Variants in COMMD1 observed in about 807,000 individuals in gnomAD.
COMMD1 encodes the protein COMM domain-containing protein 1.
A neutral mutation model predicts 17.2 loss-of-function variants in COMMD1; 10 were observed. That is an observed-to-expected ratio of 0.58 (90% CI 0.36 to 0.99). The LOEUF (loss-of-function observed/expected upper bound fraction) is 0.99, where lower values mean the gene tolerates loss of function less well. Among genes scored for constraint, COMMD1 ranks in the 50% least tolerant of loss-of-function variants. The probability of loss-of-function intolerance (pLI) is 0.01; values close to 1 mark genes in which losing one functional copy is unlikely to be tolerated. For synonymous variants in COMMD1, 97 were observed against 91.6 expected (o/e 1.06, Z -0.34); for missense variants, 270 against 231.8 (o/e 1.17, Z -1.07).
At chr2:61,894,568 C>T (rs1572938046) in intron 1 of COMMD1, among the ~76,000 whole-genome samples, 1 of 151,348 alleles carries the variant, frequency 6.6e-6, no homozygotes, top group African/African-American at 2.4e-5. Context: ...GGACTAGAAA[C>T]GTTTCAAGGA....
In COMMD1 at chr2:61,967,531, T is replaced by G. The variant is rs1671537093; in HGVS notation, c.181-33170T>G. Among the ~76,000 whole-genome samples, 3 of 152,206 alleles carry G rather than the reference T, an allele frequency of 2.0e-5. No homozygotes were observed. The South Asian group carries it at 6.2e-4, about 31-fold the overall frequency. On this transcript the variant is annotated intron_variant, in intron 1 of 2. Transcript: ENST00000311832. The stretch of plus-strand genomic sequence containing the variant: ...GTTTACATAACCAGATTGAAAGCTC[T>G]TCAAAAGCAGGTCCATATGCTGTTC...
At chr2:62,107,198 C>G (rs1334303726) in intron 2 of COMMD1, among the ~76,000 whole-genome samples, 1 of 152,120 alleles carries the variant, frequency 6.6e-6, no homozygotes, top group Admixed American at 6.6e-5. Context: ...CTGTATATTG[C>G]TTTTTCAACT....
chr2:61,948,464 G>T (rs929608841), intron 1 of COMMD1, among the ~76,000 whole-genome samples: 3 of 152,008 alleles, frequency 2.0e-5, no homozygotes, highest in East Asian at 1.9e-4. Flanking sequence ...TATTAATTGG[G>T]TAATACCATC....
chr2:61,945,508 G>A (rs949718020), intron 1 of COMMD1, among the ~76,000 whole-genome samples: 4 of 152,188 alleles, frequency 2.6e-5, no homozygotes, highest in African/African-American at 7.2e-5. Flanking sequence ...AAGGTCAGGG[G>A]CACTTGCACT....
chr2:62,112,759 G>A (rs528006897), intron 2 of COMMD1, among the ~76,000 whole-genome samples: 1 of 152,250 alleles, frequency 6.6e-6, no homozygotes, highest in African/African-American at 2.4e-5. Flanking sequence ...AATAGTAGTG[G>A]GGACATATCT....
At chr2:62,123,786 T>A (rs1378342570) in intron 2 of COMMD1, among the ~76,000 whole-genome samples, 1 of 152,070 alleles carries the variant, frequency 6.6e-6, no homozygotes, top group East Asian at 1.9e-4. Context: ...GCAGACTACA[T>A]GGTTCATTCT....
At chr2:61,984,924 G>A (rs1320023178) in intron 1 of COMMD1, among the ~76,000 whole-genome samples, 2 of 149,196 alleles carry the variant, frequency 1.3e-5, no homozygotes, top group African/African-American at 2.5e-5. Context: ...GGTCTCTTTT[G>A]TAGTTTTTAT....
chr2:62,036,276 T>G (rs1257832505), intron 2 of COMMD1, among the ~76,000 whole-genome samples: 1 of 152,220 alleles, frequency 6.6e-6, no homozygotes, highest in African/African-American at 2.4e-5. Flanking sequence ...TAAATAGTGT[T>G]TTATGGACAT....
chr2:61,945,006 A>C (rs1670870339), intron 1 of COMMD1, among the ~76,000 whole-genome samples: 1 of 152,198 alleles, frequency 6.6e-6, no homozygotes, highest in Admixed American at 6.5e-5. Context: ...CCATAATTGG[A>C]ATTCTCATTC....
intron 2 of COMMD1, among the ~76,000 whole-genome samples, chr2:62,089,188 T>C (rs1216888321): frequency 6.6e-6 from 1 of 152,114 alleles, no homozygotes; most frequent in Non-Finnish European, 1.5e-5. Context: ...AAGAAAAAGA[T>C]CTAGCTATGT....
At chr2:62,090,501 C>A (rs1414594407) in intron 2 of COMMD1, among the ~76,000 whole-genome samples, 1 of 152,206 alleles carries the variant, frequency 6.6e-6, no homozygotes, top group Non-Finnish European at 1.5e-5. Flanking sequence ...AAATCAAATG[C>A]AAGGAACGCC....
chr2:62,124,891 G>T (rs1385679417), intron 2 of COMMD1, among the ~76,000 whole-genome samples: 1 of 152,146 alleles, frequency 6.6e-6, no homozygotes, highest in Non-Finnish European at 1.5e-5. Context: ...ACTTACATCA[G>T]TGGTAGATCT....
chr2:61,969,488 G>C (rs1274814440), intron 1 of COMMD1, among the ~76,000 whole-genome samples: 1 of 151,598 alleles, frequency 6.6e-6, no homozygotes, highest in East Asian at 1.9e-4. Flanking sequence ...CTCCACTAAA[G>C]AACACATCTA....
intron 1 of COMMD1, among the ~76,000 whole-genome samples, chr2:61,948,259 C>T (rs1230558914): frequency 6.6e-6 from 1 of 152,168 alleles, no homozygotes; most frequent in Non-Finnish European, 1.5e-5. Context: ...CAAGTGTGCA[C>T]CATAACCTAG....
intron 1 of COMMD1, among the ~76,000 whole-genome samples, chr2:61,890,410 G>T (rs1171906400): frequency 6.6e-6 from 1 of 152,054 alleles, no homozygotes; most frequent in Admixed American, 6.5e-5. Flanking sequence ...GTAGAGACGG[G>T]GTTTCTCCAT....
At chr2:62,038,162 C>T (rs998434749) in intron 2 of COMMD1, among the ~76,000 whole-genome samples, 8 of 152,112 alleles carry the variant, frequency 5.3e-5, no homozygotes, top group Admixed American at 1.3e-4. Context: ...GTGGCATGCA[C>T]CTGTAATCCC....
At chr2:62,099,693 T>C (rs1311369808) in intron 2 of COMMD1, among the ~76,000 whole-genome samples, 1 of 152,132 alleles carries the variant, frequency 6.6e-6, no homozygotes, top group African/African-American at 2.4e-5. Flanking sequence ...TCTACCCTCT[T>C]ACGTGTCTCA....
At chr2:61,940,939 C>T (rs1483049577) in intron 1 of COMMD1, among the ~76,000 whole-genome samples, 2 of 152,012 alleles carry the variant, frequency 1.3e-5, no homozygotes, top group Non-Finnish European at 2.9e-5. Flanking sequence ...CCGCCCGCCT[C>T]GGCCTCCCAA....
At chr2:62,082,506 A>G (rs1247528407) in intron 2 of COMMD1, among the ~76,000 whole-genome samples, 3 of 152,106 alleles carry the variant, frequency 2.0e-5, no homozygotes, top group East Asian at 3.9e-4. Context: ...GCGACGTTGG[A>G]AGCTTTCATT....
Sources: allele counts gnomAD v4.1 joint callset (sites outside exome capture counted in the v4.1 genomes callset), GRCh38; gene constraint gnomAD v4.1.1; transcripts MANE v1.5; gene names NCBI Gene and HGNC (gene_info 2026-07-23, HGNC 2026-07-21).